The following CDYL variants were observed in gnomAD, a reference collection of about 807,000 sequenced individuals.
The protein encoded by CDYL is chromodomain Y like.
CDYL carries 8 observed loss-of-function variants against 47.3 expected under a neutral mutation model. That is an observed-to-expected ratio of 0.17 (90% CI 0.10 to 0.31). The LOEUF (loss-of-function observed/expected upper bound fraction) is 0.31, where lower values mean the gene tolerates loss of function less well. Ranked by LOEUF, CDYL falls within the 10% of genes least tolerant of loss-of-function variation. The pLI, the probability that CDYL is intolerant of heterozygous loss-of-function variation, is 1.00. For synonymous variants in CDYL, 266 were observed against 265.0 expected (o/e 1.00, Z -0.04); for missense variants, 471 against 701.4 (o/e 0.67, Z 3.71).
At position 4,907,969 on chromosome 6, in the gene CDYL, G is replaced by T. The variant is rs569715150; in HGVS notation, c.691+15590G>T. ...CAGTTTGGCCCCCCTTGAGCTCCGT[G>T]TTCTCTACCACCCCACTTGGTGCCC... On this transcript the variant is annotated intron_variant, in intron 2 of 6. Transcript: ENST00000397588. 5.3e-5 allele frequency among the ~76,000 whole-genome samples: 8 copies of T among 152,178 alleles called. No individual in the cohort carries two copies. The East Asian group carries it at 1.5e-3, about 29-fold the overall frequency.
upstream of CDYL, among the ~76,000 whole-genome samples, chr6:4,776,057 C>T (rs1321340132): frequency 3.3e-5 from 5 of 150,470 alleles, no homozygotes; most frequent in South Asian, 1.0e-3. Flanking sequence ...TGCCCTGGGC[C>T]GGGCCGCAAG....
At chr6:4,937,469 C>A in intron 3 of CDYL, 96 bp from the exon 4 acceptor site, 1 of 991,466 alleles carries the variant, frequency 1.0e-6, no homozygotes, top group Non-Finnish European at 1.4e-6. Context: ...GCACGCCAAC[C>A]TGAGCAACAG....
chr6:4,750,855 C>CT (rs1445301601), intron 3 of CDYL, among the ~76,000 whole-genome samples: 3,178 of 134,396 alleles, frequency 0.024, 133 homozygotes, highest in African/African-American at 0.079. Flanking sequence ...TTTTTCTTTT[C>CT]TTTTTTTTTT....
chr6:4,822,203 C>T (rs73364544), intron 1 of CDYL, among the ~76,000 whole-genome samples: 5,117 of 151,760 alleles, frequency 0.034, 295 homozygotes, highest in African/African-American at 0.12. Flanking sequence ...CTCACTGTGT[C>T]ACCCAGGCTG....
At chr6:4,773,485 A>G (rs755358142), upstream of CDYL, among the ~76,000 whole-genome samples, 4 of 152,224 alleles carry the variant, frequency 2.6e-5, no homozygotes, top group Non-Finnish European at 5.9e-5. The surrounding 1 kb of genome is among the most constrained non-coding windows in gnomAD (Gnocchi z 4.6). Context: ...TACTTCTGCT[A>G]TGAGTGCTGG....
chr6:4,872,036 G>A (rs1761490255), intron 1 of CDYL, among the ~76,000 whole-genome samples: 1 of 152,172 alleles, frequency 6.6e-6, no homozygotes, highest in Non-Finnish European at 1.5e-5. Flanking sequence ...TCTGTCATTG[G>A]TCTCAGTATG....
chr6:4,732,694 A>T (rs578035649), intron 2 of CDYL, among the ~76,000 whole-genome samples: 2 of 151,750 alleles, frequency 1.3e-5, no homozygotes, highest in African/African-American at 2.4e-5. Context: ...TTGGGGGGGA[A>T]TTCTCAGTAT....
chr6:4,925,296 T>C (rs1000626127), intron 2 of CDYL, among the ~76,000 whole-genome samples: 3 of 152,238 alleles, frequency 2.0e-5, no homozygotes, highest in Non-Finnish European at 4.4e-5. Context: ...TCAATGTCTT[T>C]CTTAGAGATG....
intron 2 of CDYL, among the ~76,000 whole-genome samples, chr6:4,921,387 T>C (rs1339823099): frequency 1.3e-5 from 2 of 152,196 alleles, no homozygotes; most frequent in African/African-American, 4.8e-5. Flanking sequence ...ATGCCAGAAG[T>C]AACAAGAGGA....
chr6:4,776,044 G>T (rs1298141848), upstream of CDYL, among the ~76,000 whole-genome samples: 2 of 150,332 alleles, frequency 1.3e-5, no homozygotes, highest in Non-Finnish European at 3.0e-5. Flanking sequence ...TCCAGGTCCC[G>T]CCTGCCCTGG....
rs1166824301 is a variant in CDYL at position 4,935,877 on chromosome 6, T to A, written c.948+106T>A. On this transcript the variant is annotated intron_variant, in intron 3 of 6. Coordinates refer to ENST00000397588, the MANE Select transcript of CDYL (RefSeq NM_004824.4). The stretch of plus-strand genomic sequence containing the variant: ...TCCTGTGCTCTTTCTAAACCTCCTT[T>A]TGGGCCATCTCCCGATGCCCACCAG... 2.0e-6 allele frequency: 3 copies of A among 1,522,956 alleles called. No homozygotes were observed. In the East Asian group the frequency reaches 6.8e-5, roughly 34 times the overall value. 94.3% of individuals were successfully genotyped at this position (1,522,956 alleles called of 1,614,324 possible).
intron 2 of CDYL, among the ~76,000 whole-genome samples, chr6:4,733,422 TAA>T (rs5873946): frequency 0.12 from 16,976 of 138,704 alleles, 1,247 homozygotes; most frequent in African/African-American, 0.21. Flanking sequence ...TCAGATAAAG[TAA>T]AAAAAAAAAA....
chr6:4,835,912 AT>A (rs1038128475), intron 1 of CDYL, among the ~76,000 whole-genome samples: 1 of 151,062 alleles, frequency 6.6e-6, no homozygotes, highest in African/African-American at 2.4e-5. Context: ...CTGGTGCGCC[AT>A]TTTTTAAGCC....
intron 3 of CDYL, among the ~76,000 whole-genome samples, chr6:4,770,270 T>G (rs1015187014): frequency 6.6e-6 from 1 of 152,168 alleles, no homozygotes; most frequent in African/African-American, 2.4e-5. Context: ...TAAGTATTTA[T>G]TGAGTGACTA....
At chr6:4,868,590 A>G (rs760526693) in intron 1 of CDYL, among the ~76,000 whole-genome samples, 1 of 152,048 alleles carries the variant, frequency 6.6e-6, no homozygotes, top group Admixed American at 6.5e-5. Context: ...TTTTGTAGTA[A>G]ATGTTCTGAG....
upstream of CDYL, chr6:4,775,545 T>A (rs1758414673): frequency 6.6e-6 from 1 of 152,000 alleles, no homozygotes; most frequent in South Asian, 2.1e-4. This position sits in a 1 kb window ranked among gnomAD's most constrained non-coding sequence, Gnocchi z 7.0. Flanking sequence ...CCAGCTGCGC[T>A]TCGGAGGAGG....
intron 2 of CDYL, among the ~76,000 whole-genome samples, chr6:4,933,027 G>T (rs1008555492): frequency 3.3e-5 from 5 of 152,114 alleles, no homozygotes; most frequent in Non-Finnish European, 7.4e-5. Context: ...TGTAACACCT[G>T]CCCCTGCAGA....
chr6:4,812,299 G>C (rs1759552260), intron 1 of CDYL, among the ~76,000 whole-genome samples: 1 of 152,172 alleles, frequency 6.6e-6, no homozygotes. Flanking sequence ...TACTTCTGCA[G>C]TGTTAAATGA....
In CDYL at chr6:4,792,031, T is replaced by C. The variant is rs1356067508; in HGVS notation, c.24+15224T>C. ...CCGAGTAGCTGGGACTACAGGCGCC[T>C]ACCACCACGCCCGGCTAATTTTTTT... On this transcript the variant is annotated intron_variant, in intron 1 of 6. Coordinates refer to ENST00000397588, the MANE Select transcript of CDYL (RefSeq NM_004824.4). Among the ~76,000 whole-genome samples, 48 of 150,390 alleles carry C rather than the reference T, an allele frequency of 3.2e-4. No individual in the cohort carries two copies. In the East Asian group the frequency reaches 5.9e-3, roughly 18 times the overall value.
Sources: allele counts gnomAD v4.1 joint callset (sites outside exome capture counted in the v4.1 genomes callset), GRCh38; gene constraint gnomAD v4.1.1; non-coding constraint Gnocchi (gnomAD v3.1); transcripts MANE v1.5; gene names NCBI Gene and HGNC (gene_info 2026-07-23, HGNC 2026-07-21).